The following ZNF365 variants were observed in gnomAD, a reference collection of about 807,000 sequenced individuals.
ZNF365 encodes the protein protein ZNF365.
Under a neutral mutation model 35.0 loss-of-function variants are expected in ZNF365, and 22 were observed. That is an observed-to-expected ratio of 0.63 (90% confidence interval 0.45 to 0.90). ZNF365 has a LOEUF of 0.90. ZNF365 is among the 40% of genes least tolerant of loss of function. ZNF365 has a pLI of 0.00. For missense variants in ZNF365, 448 were observed against 500.3 expected (o/e 0.90, Z 1.00); for synonymous variants, 188 against 196.2 (o/e 0.96, Z 0.35).
chr10:62,457,038 C>A (rs1167926282), intron 3 of ZNF365, among the ~76,000 whole-genome samples: 1 of 152,170 alleles, frequency 6.6e-6, no homozygotes, highest in Admixed American at 6.5e-5. Context: ...GACAGCTCTG[C>A]TGATCTTTCT....
intron 4 of ZNF365, among the ~76,000 whole-genome samples, chr10:62,473,320 G>A (rs953064859): frequency 1.3e-5 from 2 of 152,138 alleles, no homozygotes; most frequent in African/African-American, 4.8e-5. Flanking sequence ...GCAAAGTTGG[G>A]GAGATTAAGT....
At chr10:62,463,777 G>T (rs1006216344) in intron 4 of ZNF365, among the ~76,000 whole-genome samples, 27 of 152,338 alleles carry the variant, frequency 1.8e-4, no homozygotes, top group Non-Finnish European at 3.7e-4. Context: ...AGAAGAGAAA[G>T]CCCCTTTTCT....
intron 4 of ZNF365, among the ~76,000 whole-genome samples, chr10:62,460,087 C>T (rs908657912): frequency 6.6e-6 from 1 of 152,182 alleles, no homozygotes; most frequent in African/African-American, 2.4e-5. Flanking sequence ...TTATTCTCTT[C>T]TCTACCTCCA....
intron 3 of ZNF365, among the ~76,000 whole-genome samples, chr10:62,426,013 C>T (rs1840245957): frequency 6.6e-6 from 1 of 152,138 alleles, no homozygotes; most frequent in African/African-American, 2.4e-5. Context: ...GATTGACAAA[C>T]TTGTCAATAA....
intron 2 of ZNF365, among the ~76,000 whole-genome samples, chr10:62,384,029 T>A (rs1254181135): frequency 6.6e-6 from 1 of 152,190 alleles, no homozygotes; most frequent in African/African-American, 2.4e-5. Context: ...TGGTATTTTT[T>A]TTTTTAGTGT....
rs185083066 is a variant in ZNF365, at chr10:62,399,905, G to A, written c.*116G>A. On this transcript the variant is annotated 3_prime_UTR_variant, in exon 5 of 5. Transcript: ENST00000395254. ...AGTAAGACACATTGGAAAAGCCAAGGGCATAACACAGGCAAGCACCTCAAT... is the reference window on the plus strand; with the variant it reads ...AGTAAGACACATTGGAAAAGCCAAGAGCATAACACAGGCAAGCACCTCAAT... 4 of 1,440,854 alleles carry A rather than the reference G, an allele frequency of 2.8e-6. No homozygotes were observed. In the African/African-American group the frequency reaches 4.3e-5, roughly 15 times the overall value. The allele number at this position is 1,440,854 out of a possible 1,614,324, so 89.3% of individuals were successfully genotyped here. A position where few individuals can be genotyped will look rare whatever the true frequency, so the allele number is the denominator to read the frequency against.
At chr10:62,422,553 A>G (rs1840186882) in intron 3 of ZNF365, among the ~76,000 whole-genome samples, 1 of 152,198 alleles carries the variant, frequency 6.6e-6, no homozygotes, top group South Asian at 2.1e-4. Context: ...CAACATGTCT[A>G]TGGCAGCTAG....
intron 1 of ZNF365, 45 bp from the exon 2 acceptor site, chr10:62,376,136 G>A (rs759914516): frequency 1.1e-5 from 18 of 1,585,222 alleles, no homozygotes; most frequent in Non-Finnish European, 1.5e-5. Flanking sequence ...TTTTAGTAGT[G>A]TGTTTTTCAG....
At chr10:62,432,409 C>T (rs1467570381) in intron 3 of ZNF365, among the ~76,000 whole-genome samples, 1 of 152,164 alleles carries the variant, frequency 6.6e-6, no homozygotes, top group Non-Finnish European at 1.5e-5. Context: ...AGGAAGCAAC[C>T]TTAGGAATGA....
At chr10:62,440,172 T>TTTTATTTATTTA (rs148188582) in intron 3 of ZNF365, among the ~76,000 whole-genome samples, 15,959 of 150,644 alleles carry the variant, frequency 0.11, 1,126 homozygotes, top group Middle Eastern at 0.16. Flanking sequence ...GAATGCATAG[T>TTTTATTTATTTA]TTTATTTATT....
Position 62,376,391 on chromosome 10 carries a change from A to C in ZNF365, c.198A>C (p.Pro66=). 1 of 1,614,164 alleles carries C rather than the reference A, an allele frequency of 6.2e-7. No individual in the cohort carries two copies. ...RTLLTKCSLF[P]SLKDTDLVTS... ...TCTTGACAAAATGCAGTCTCTTTCCATCCCTCAAAGACACAGACCTAGTCA... is the reference window on the plus strand; with the variant it reads ...TCTTGACAAAATGCAGTCTCTTTCCCTCCCTCAAAGACACAGACCTAGTCA... The change falls in exon 2 of 5, where the codon CCA becomes CCC. Residue 66 remains proline (P), a synonymous_variant. Coordinates refer to ENST00000395254, the MANE Select transcript of ZNF365 (RefSeq NM_014951.3).
chr10:62,382,549 C>T (rs891241446), intron 2 of ZNF365, among the ~76,000 whole-genome samples: 6 of 152,188 alleles, frequency 3.9e-5, no homozygotes, highest in Admixed American at 3.3e-4. Context: ...TATCACATCC[C>T]CACTCTAGGC....
intron 3 of ZNF365, among the ~76,000 whole-genome samples, chr10:62,441,183 G>T (rs1840494683): frequency 6.6e-6 from 1 of 152,094 alleles, no homozygotes; most frequent in South Asian, 2.1e-4. Flanking sequence ...AGGTTAAATT[G>T]CTTGGCTAAG....
intron 3 of ZNF365, among the ~76,000 whole-genome samples, chr10:62,454,990 A>C (rs1257618712): frequency 1.3e-5 from 2 of 152,136 alleles, no homozygotes; most frequent in Admixed American, 6.5e-5. Flanking sequence ...GGGGTAGAAG[A>C]ATGTTCCTCC....
chr10:62,462,447 T>C (rs1840862755), intron 4 of ZNF365, among the ~76,000 whole-genome samples: 1 of 152,178 alleles, frequency 6.6e-6, no homozygotes, highest in South Asian at 2.1e-4. Flanking sequence ...CTGTGTGTAC[T>C]CCAAGGGAGG....
At chr10:62,381,751 G>A (rs1401999376) in intron 2 of ZNF365, among the ~76,000 whole-genome samples, 1 of 152,140 alleles carries the variant, frequency 6.6e-6, no homozygotes, top group Admixed American at 6.5e-5. Flanking sequence ...TTGCTTAATC[G>A]GGGTAGGGCT....
intron 4 of ZNF365, among the ~76,000 whole-genome samples, chr10:62,466,146 A>G (rs964178084): frequency 6.6e-5 from 10 of 152,150 alleles, no homozygotes; most frequent in Middle Eastern, 3.2e-3. Context: ...GCCCTTCTGG[A>G]AGCCCAGACC....
chr10:62,471,379 A>AG (rs1290803173), intron 4 of ZNF365, among the ~76,000 whole-genome samples: 1 of 151,956 alleles, frequency 6.6e-6, no homozygotes, highest in African/African-American at 2.4e-5. Context: ...AAAAAAAAAA[A>AG]AAAAATAGGT....
rs927051282 is a variant in ZNF365, at chr10:62,399,879, T to C, written c.*90T>C. 10 of 1,472,876 alleles carry C rather than the reference T, an allele frequency of 6.8e-6. No homozygotes were observed. The highest frequency in any genetic ancestry group is 9.0e-6 in the Non-Finnish European group (10 of 1,111,046). 91.2% of individuals were successfully genotyped at this position (1,472,876 alleles called of 1,614,324 possible). On this transcript the variant is annotated 3_prime_UTR_variant, in exon 5 of 5. Coordinates refer to ENST00000395254, the MANE Select transcript of ZNF365 (RefSeq NM_014951.3). The stretch of plus-strand genomic sequence containing the variant: ...GTAATGTCTTTCTGGAAACATTCCA[T>C]AGTAAGACACATTGGAAAAGCCAAG...
Sources: allele counts gnomAD v4.1 joint callset (sites outside exome capture counted in the v4.1 genomes callset), GRCh38; gene constraint gnomAD v4.1.1; transcripts MANE v1.5; gene names NCBI Gene and HGNC (gene_info 2026-07-23, HGNC 2026-07-21).